PRKCB: variants seen among roughly 807,000 people sequenced by gnomAD.
PRKCB encodes the protein protein kinase C beta.
Under a neutral mutation model 81.5 loss-of-function variants are expected in PRKCB, and 13 were observed. The observed-to-expected ratio is 0.16, with a 90% CI of 0.10 to 0.25. The LOEUF (loss-of-function observed/expected upper bound fraction) is 0.25, where lower values mean the gene tolerates loss of function less well. PRKCB is among the 10% of genes least tolerant of loss of function. The pLI, the probability that PRKCB is intolerant of heterozygous loss-of-function variation, is 1.00. For synonymous variants in PRKCB, 335 were observed against 321.4 expected (o/e 1.04, Z -0.45); for missense variants, 509 against 875.7 (o/e 0.58, Z 5.29).
At chr16:23,904,668 A>G (rs1963529615) in intron 2 of PRKCB, among the ~76,000 whole-genome samples, 1 of 152,022 alleles carries the variant, frequency 6.6e-6, no homozygotes, top group Non-Finnish European at 1.5e-5. Context: ...ATCTCAAAAG[A>G]ACAACAACAA....
chr16:24,211,521 C>T (rs569796928), intron 16 of PRKCB, among the ~76,000 whole-genome samples: 1 of 150,572 alleles, frequency 6.6e-6, no homozygotes, highest in Admixed American at 6.6e-5. Context: ...TAGTGGGTAG[C>T]ATAATGCCAG....
intron 13 of PRKCB, among the ~76,000 whole-genome samples, chr16:24,181,771 C>CAAAAAAAAA (rs71154286): frequency 0.23 from 5,699 of 24,336 alleles, 1,767 homozygotes; most frequent in Middle Eastern, 0.27. Flanking sequence ...GACCCTGTCT[C>CAAAAAAAAA]AAAAAAAAAA....
At chr16:24,116,799 G>A (rs1381490800) in intron 8 of PRKCB, among the ~76,000 whole-genome samples, 1 of 152,152 alleles carries the variant, frequency 6.6e-6, no homozygotes, top group African/African-American at 2.4e-5. Flanking sequence ...GTACTATTAC[G>A]GGTGAAAAAC....
intron 2 of PRKCB, chr16:23,868,993 T>C: frequency 2.6e-6 from 1 of 384,216 alleles, no homozygotes; most frequent in Non-Finnish European, 5.4e-6. Context: ...GAAATAGAAG[T>C]GAGGCGACTT....
intron 7 of PRKCB, among the ~76,000 whole-genome samples, chr16:24,108,971 C>CG (rs1286849912): frequency 1.4e-5 from 2 of 142,642 alleles, no homozygotes; most frequent in Non-Finnish European, 3.1e-5. Flanking sequence ...GGGGGCTGGC[C>CG]GGGCGGGGGA....
chr16:24,005,981 G>A (rs117484153), intron 3 of PRKCB, among the ~76,000 whole-genome samples: 2,622 of 152,306 alleles, frequency 0.017, 41 homozygotes, highest in Middle Eastern at 0.051. Flanking sequence ...CCATCACCTG[G>A]ACCAAAAGAC....
intron 1 of PRKCB, among the ~76,000 whole-genome samples, chr16:23,836,645 A>G (rs1337342346): frequency 6.6e-6 from 1 of 150,954 alleles, no homozygotes; most frequent in African/African-American, 2.4e-5. Context: ...CCACCTGACT[A>G]GGAGCGCGCG....
intron 5 of PRKCB, among the ~76,000 whole-genome samples, chr16:24,048,319 T>A (rs1965793108): frequency 6.6e-6 from 1 of 152,116 alleles, no homozygotes; most frequent in South Asian, 2.1e-4. Context: ...GTTAAATAAC[T>A]TGCCCAAGCC....
At chr16:24,146,199 C>T (rs1368614083) in intron 9 of PRKCB, among the ~76,000 whole-genome samples, 12 of 152,162 alleles carry the variant, frequency 7.9e-5, no homozygotes, top group Admixed American at 6.5e-4. Context: ...GGAACCAACC[C>T]TGCCAGCACC....
chr16:23,935,910 AGCACTGT>A (rs2141762574), intron 2 of PRKCB, among the ~76,000 whole-genome samples: 1 of 152,330 alleles, frequency 6.6e-6, no homozygotes, highest in South Asian at 2.1e-4. Flanking sequence ...CTACCTGTCG[AGCACTGT>A]GCTCACTGCC....
At chr16:24,166,579 C>T (rs1301005147) in intron 10 of PRKCB, among the ~76,000 whole-genome samples, 3 of 152,196 alleles carry the variant, frequency 2.0e-5, no homozygotes, top group Non-Finnish European at 4.4e-5. Context: ...AACCATCATA[C>T]ATCCATGGAC....
At chr16:23,836,749 G>GC (rs1962166936) in intron 1 of PRKCB, among the ~76,000 whole-genome samples, 4 of 134,606 alleles carry the variant, frequency 3.0e-5, no homozygotes, top group Admixed American at 1.5e-4. Context: ...AGGAGCCCTC[G>GC]CCCCCCACCC....
intron 2 of PRKCB, among the ~76,000 whole-genome samples, chr16:23,911,875 G>A (rs1409432373): frequency 5.2e-5 from 7 of 135,760 alleles, no homozygotes; most frequent in African/African-American, 1.4e-4. Flanking sequence ...CTGTTTGCCC[G>A]GGCTGGAGTG....
At chr16:24,122,174 G>A (rs1472529956) in intron 8 of PRKCB, among the ~76,000 whole-genome samples, 5 of 152,184 alleles carry the variant, frequency 3.3e-5, no homozygotes, top group Admixed American at 6.5e-5. Context: ...TATCAGAGGT[G>A]AGAGAGTTCT....
In PRKCB at chr16:24,219,231, G is replaced by A; in HGVS notation, c.*4415G>A. ...ATGCCAGACTTACTAGGAGAATCGAGTTGCTTTGAGTTTCTTTTGTTTTGT... is the reference window on the plus strand; with the variant it reads ...ATGCCAGACTTACTAGGAGAATCGAATTGCTTTGAGTTTCTTTTGTTTTGT... On this transcript the variant is annotated 3_prime_UTR_variant, in exon 17 of 17. Transcript: ENST00000643927. 2.3e-6 allele frequency: 2 copies of A among 878,686 alleles called. No individual in the cohort carries two copies. The highest frequency in any genetic ancestry group is 5.5e-5 in the South Asian group (1 of 18,314). The allele number at this position is 878,686 out of a possible 1,614,324, so 54.4% of individuals were successfully genotyped here. A position where few individuals can be genotyped will look rare whatever the true frequency, so the allele number is the denominator to read the frequency against.
intron 5 of PRKCB, among the ~76,000 whole-genome samples, chr16:24,056,946 A>C (rs1452692374): frequency 6.6e-6 from 1 of 152,222 alleles, no homozygotes; most frequent in Non-Finnish European, 1.5e-5. Context: ...CCCGTGGTGC[A>C]TGCACAGGGG....
intron 2 of PRKCB, among the ~76,000 whole-genome samples, chr16:23,915,444 G>C (rs1238976963): frequency 5.9e-5 from 9 of 152,050 alleles, no homozygotes. Flanking sequence ...CAGCACTTCG[G>C]GAGGCAGAGG....
chr16:23,951,873 C>G (rs372857391), intron 2 of PRKCB, among the ~76,000 whole-genome samples: 1 of 152,154 alleles, frequency 6.6e-6, no homozygotes, highest in Non-Finnish European at 1.5e-5. Context: ...CACACTTCCA[C>G]AGTCAAATGT....
At chr16:23,866,820 C>A (rs1349071109) in intron 2 of PRKCB, among the ~76,000 whole-genome samples, 2 of 152,226 alleles carry the variant, frequency 1.3e-5, no homozygotes, top group African/African-American at 4.8e-5. Flanking sequence ...CTCACTGCAT[C>A]TTTCCCAGAC....
Sources: allele counts gnomAD v4.1 joint callset (sites outside exome capture counted in the v4.1 genomes callset), GRCh38; gene constraint gnomAD v4.1.1; transcripts MANE v1.5; gene names NCBI Gene and HGNC (gene_info 2026-07-23, HGNC 2026-07-21).